MAP3K5: variants seen among roughly 807,000 people sequenced by gnomAD.
MAP3K5 encodes the protein mitogen-activated protein kinase kinase kinase 5, also known as ASK-1.
In MAP3K5, 56 loss-of-function variants were observed where a neutral mutation model predicts 158.7. That is an observed-to-expected ratio of 0.35 (90% CI 0.28 to 0.44). The LOEUF (loss-of-function observed/expected upper bound fraction) is 0.44, where lower values mean the gene tolerates loss of function less well. MAP3K5 is among the 20% of genes least tolerant of loss of function. The probability of loss-of-function intolerance (pLI) is 1.00; values close to 1 mark genes in which losing one functional copy is unlikely to be tolerated. For missense variants in MAP3K5, 1,294 were observed against 1,674.8 expected (o/e 0.77, Z 3.97); for synonymous variants, 579 against 601.7 (o/e 0.96, Z 0.55).
At chr6:136,583,796 G>T in intron 23 of MAP3K5, 56 bp from the exon 24 acceptor site, 1 of 1,515,454 alleles carries the variant, frequency 6.6e-7, no homozygotes, top group South Asian at 1.2e-5. Flanking sequence ...TACCTGCCAT[G>T]GTAATCCTAT....
intron 29 of MAP3K5, among the ~76,000 whole-genome samples, chr6:136,558,497 A>G (rs540925051): frequency 6.6e-6 from 1 of 152,326 alleles, no homozygotes; most frequent in East Asian, 1.9e-4. Flanking sequence ...GTATAACACC[A>G]TCATGAACTC....
At chr6:136,643,532 G>GT (rs1583329978) in intron 11 of MAP3K5, among the ~76,000 whole-genome samples, 1 of 152,212 alleles carries the variant, frequency 6.6e-6, no homozygotes, top group African/African-American at 2.4e-5. Context: ...ACAAAGCCTT[G>GT]TGGCTCTGAG....
At chr6:136,681,625 C>T (rs1186165245) in intron 7 of MAP3K5, among the ~76,000 whole-genome samples, 1 of 151,822 alleles carries the variant, frequency 6.6e-6, no homozygotes, top group Non-Finnish European at 1.5e-5. Flanking sequence ...AGAGCGAGAC[C>T]TTGTCTCAAA....
chr6:136,698,044 G>A (rs766154533), intron 4 of MAP3K5, among the ~76,000 whole-genome samples: 18 of 152,258 alleles, frequency 1.2e-4, no homozygotes, highest in East Asian at 1.9e-4. Context: ...GGCACTGGCC[G>A]TGATGTACCT....
At chr6:136,786,035 G>GT (rs1644308685) in intron 1 of MAP3K5, among the ~76,000 whole-genome samples, 1 of 152,132 alleles carries the variant, frequency 6.6e-6, no homozygotes. Flanking sequence ...ACGGTTCAGT[G>GT]TTTTCATAAG....
intron 1 of MAP3K5, among the ~76,000 whole-genome samples, chr6:136,737,508 G>C (rs1230744732): frequency 1.3e-5 from 2 of 152,182 alleles, no homozygotes; most frequent in Non-Finnish European, 1.5e-5. Context: ...AGACCAGAAA[G>C]GAAAGGAGAG....
chr6:136,657,952 C>A (rs569188722), intron 9 of MAP3K5, among the ~76,000 whole-genome samples: 1 of 152,310 alleles, frequency 6.6e-6, no homozygotes, highest in Admixed American at 6.5e-5. Context: ...ATTCCTTAGG[C>A]TGTGAGGAAC....
intron 14 of MAP3K5, among the ~76,000 whole-genome samples, chr6:136,627,621 C>T (rs1479827199): frequency 2.6e-5 from 4 of 152,104 alleles, no homozygotes; most frequent in African/African-American, 9.7e-5. Context: ...GGATTAGTCC[C>T]CTTATGAAAG....
At chr6:136,628,026 TAGAAA>T (rs1402512169) in intron 14 of MAP3K5, among the ~76,000 whole-genome samples, 2 of 152,236 alleles carry the variant, frequency 1.3e-5, no homozygotes, top group Admixed American at 1.3e-4. Context: ...AGAACTTTTT[TAGAAA>T]AGAACTAGAT....
chr6:136,701,263 G>A (rs1780843557), intron 3 of MAP3K5, among the ~76,000 whole-genome samples: 1 of 152,190 alleles, frequency 6.6e-6, no homozygotes, highest in Admixed American at 6.5e-5. Flanking sequence ...AACTCTGTAT[G>A]AGCCAAATGA....
chr6:136,696,080 C>T (rs770274986), intron 5 of MAP3K5, 23 bp from the exon 6 acceptor site: 6 of 1,385,702 alleles, frequency 4.3e-6, no homozygotes, highest in Non-Finnish European at 6.1e-6. Context: ...ATGAGAATAG[C>T]ACAGAATTAA....
At chr6:136,642,240 T>G (rs940161705) in intron 12 of MAP3K5, among the ~76,000 whole-genome samples, 1 of 151,954 alleles carries the variant, frequency 6.6e-6, no homozygotes, top group African/African-American at 2.4e-5. Context: ...CATGGCTGAG[T>G]GTAATCTACA....
chr6:136,791,907 A>C lies in MAP3K5; in HGVS notation c.251T>G (p.Val84Gly). The C allele has an allele frequency of 6.2e-7, 1 of 1,613,010 alleles. No homozygotes were observed. Among genetic ancestry groups the C allele is most frequent in the Non-Finnish European group, 8.5e-7 (1 of 1,179,848 alleles). The change falls in exon 1 of 30, where the codon GTT (valine) becomes GGT (glycine). Residue 84 changes from valine to glycine, a missense_variant. By Grantham distance (109) the Val-to-Gly change is moderately radical (BLOSUM62 -3). Coordinates refer to ENST00000359015, the MANE Select transcript of MAP3K5 (RefSeq NM_005923.4). ...SSATRGRGSS[V>G]GGGSRRTTVA... ...CGTGGTCCGTCGGCTGCCCCCGCCA[A>C]CAGAGCTGCCCCGGCCTCGGGTGGC...
chr6:136,773,558 C>A (rs1292225920), intron 1 of MAP3K5, among the ~76,000 whole-genome samples: 1 of 152,188 alleles, frequency 6.6e-6, no homozygotes, highest in Non-Finnish European at 1.5e-5. Context: ...TCTGAACTTT[C>A]TCTCATCTGT....
chr6:136,786,758 T>C (rs1026276196), intron 1 of MAP3K5, among the ~76,000 whole-genome samples: 2 of 151,812 alleles, frequency 1.3e-5, no homozygotes, highest in Admixed American at 6.6e-5. Flanking sequence ...TACACAAAGA[T>C]TGGGAAAGTT....
At chr6:136,709,106 T>C (rs188622499) in intron 2 of MAP3K5, among the ~76,000 whole-genome samples, 3 of 152,290 alleles carry the variant, frequency 2.0e-5, no homozygotes, top group Admixed American at 6.5e-5. Context: ...ATTTTCTACA[T>C]TGCACATTTT....
chr6:136,574,129 C>T (rs1438643493), intron 25 of MAP3K5, among the ~76,000 whole-genome samples: 1 of 152,088 alleles, frequency 6.6e-6, no homozygotes, highest in African/African-American at 2.4e-5. Flanking sequence ...TGGGGTTTCA[C>T]CATGTTGGCC....
At chr6:136,790,799 A>AG (rs1785043295) in intron 1 of MAP3K5, among the ~76,000 whole-genome samples, 1 of 152,244 alleles carries the variant, frequency 6.6e-6, no homozygotes, top group Non-Finnish European at 1.5e-5. Context: ...CTGGACGTAC[A>AG]GGGGACTAAA....
chr6:136,682,322 A>C (rs553760096), intron 7 of MAP3K5, among the ~76,000 whole-genome samples: 15 of 152,222 alleles, frequency 9.9e-5, no homozygotes, highest in Admixed American at 8.5e-4. Context: ...AGAGAGGGGG[A>C]AGGAGGGTGG....
Sources: allele counts gnomAD v4.1 joint callset (sites outside exome capture counted in the v4.1 genomes callset), GRCh38; gene constraint gnomAD v4.1.1; transcripts MANE v1.5; gene names NCBI Gene and HGNC (gene_info 2026-07-23, HGNC 2026-07-21).